The following C12orf56 variants were observed in gnomAD, a reference collection of about 807,000 sequenced individuals.
The protein encoded by C12orf56 is chromosome 12 open reading frame 56.
A neutral mutation model predicts 69.9 loss-of-function variants in C12orf56; 71 were observed. That is an observed-to-expected ratio of 1.02 (90% CI 0.84 to 1.24). C12orf56 has a LOEUF of 1.24. Among genes scored for constraint, C12orf56 ranks in the 50% most tolerant of loss-of-function variants. C12orf56 has a pLI of 0.00. For synonymous variants in C12orf56, 276 were observed against 274.1 expected, an observed-to-expected ratio of 1.01 and a Z score of -0.07; for missense variants, 732 against 738.5, an observed-to-expected ratio of 0.99 and a Z score of 0.10.
chr12:64,382,703 T>C (rs2039735520), intron 1 of C12orf56, among the ~76,000 whole-genome samples: 1 of 151,670 alleles, frequency 6.6e-6, no homozygotes, highest in Non-Finnish European at 1.5e-5. Context: ...TGAAACCCCA[T>C]CTCTACTAAA....
chr12:64,362,414 G>A (rs7295761), intron 1 of C12orf56, among the ~76,000 whole-genome samples: 55,326 of 151,928 alleles, frequency 0.36, 11,202 homozygotes, highest in Non-Finnish European at 0.47. Context: ...AAACGAGGCC[G>A]GGCGTGGTGG....
intron 6 of C12orf56, among the ~76,000 whole-genome samples, chr12:64,302,144 G>C (rs2038454233): frequency 6.6e-6 from 1 of 152,054 alleles, no homozygotes; most frequent in Non-Finnish European, 1.5e-5. Flanking sequence ...TAATCAACTT[G>C]GTTGGTCATA....
chr12:64,350,646 G>A (rs1471387558), intron 2 of C12orf56, among the ~76,000 whole-genome samples: 1 of 152,194 alleles, frequency 6.6e-6, no homozygotes, highest in African/African-American at 2.4e-5. Context: ...GGAATCCCAT[G>A]CTCTTGGGAC....
Position 64,283,744 on chromosome 12 carries a change from A to AT in C12orf56, c.1310+919dup, listed in dbSNP as rs139549234. On this transcript the variant is annotated intron_variant, in intron 8 of 12. Transcript: ENST00000543942. ...TCATCAAGGTCAGCCAGCTTACACT[A>AT]TAAGGACAAAGACAACATGATAGCA... 6.4e-3 allele frequency among the ~76,000 whole-genome samples: 965 copies of AT among 151,662 alleles called. 10 individuals carry two copies. Among genetic ancestry groups the AT allele is most frequent in the African/African-American group, 0.022 (917 of 41,318 alleles).
At chr12:64,333,349 T>C (rs2038954741) in intron 2 of C12orf56, among the ~76,000 whole-genome samples, 1 of 152,178 alleles carries the variant, frequency 6.6e-6, no homozygotes, top group Non-Finnish European at 1.5e-5. Flanking sequence ...CAGTCTTAAG[T>C]TGTCTGTTAA....
chr12:64,345,535 AACAGTAG>A (rs1201138696), intron 2 of C12orf56, among the ~76,000 whole-genome samples: 1 of 152,094 alleles, frequency 6.6e-6, no homozygotes. Flanking sequence ...CCCTAACTTT[AACAGTAG>A]ACACCTGGTG....
chr12:64,293,124 T>A (rs868104640), intron 6 of C12orf56, among the ~76,000 whole-genome samples: 1 of 152,124 alleles, frequency 6.6e-6, no homozygotes, highest in African/African-American at 2.4e-5. Flanking sequence ...TCCAGGTGCG[T>A]CCGTCACCCC....
At chr12:64,374,008 T>C (rs528176754) in intron 1 of C12orf56, among the ~76,000 whole-genome samples, 1 of 152,316 alleles carries the variant, frequency 6.6e-6, no homozygotes, top group South Asian at 2.1e-4. Context: ...ATTAAAAACC[T>C]CATTGCCATC....
At position 64,303,699 on chromosome 12, in the gene C12orf56, G is replaced by A. The variant is rs765932689; in HGVS notation, c.1049C>T (p.Ser350Phe). 4 of 1,578,574 alleles carry A rather than the reference G, an allele frequency of 2.5e-6. No individual in the cohort carries two copies. Among genetic ancestry groups the A allele is most frequent in the East Asian group, 4.6e-5 (2 of 43,882 alleles). ...TGCTACTTTAAGTTCCATAAGTAAA[G>A]AAAGTATCCTCCTCAAAGAATTGTC... Reference protein sequence around the residue: ...LKDNSLRRILSLLMELKVAAQ... With the variant: ...LKDNSLRRILFLLMELKVAAQ... Residue 350 changes from serine (S) to phenylalanine (F), a missense_variant, in exon 6 of 13, where the codon TCT (serine) becomes TTT (phenylalanine). Ser to Phe is a radical substitution (Grantham distance 155). Transcript: ENST00000543942.
chr12:64,266,982 C>CTT lies in C12orf56; in HGVS notation c.*199_*200dup. 1 of 506,676 alleles carries CTT rather than the reference C, an allele frequency of 2.0e-6. No individual in the cohort carries two copies. The highest frequency in any genetic ancestry group is 3.4e-6 in the Non-Finnish European group (1 of 293,994). The allele number at this position is 506,676 out of a possible 1,614,324, so 31.4% of individuals were successfully genotyped here. On this transcript the variant is annotated 3_prime_UTR_variant, in exon 13 of 13. Coordinates refer to ENST00000543942, the MANE Select transcript of C12orf56 (RefSeq NM_001170633.2). ...CCAATGGCATAAAGATCTTTGCACA[C>CTT]TTATAATAAATCAAATTTATTTTTT...
At chr12:64,328,773 CT>C (rs200012565) in intron 3 of C12orf56, among the ~76,000 whole-genome samples, 14 of 131,456 alleles carry the variant, frequency 1.1e-4, no homozygotes, top group Admixed American at 1.6e-4. Flanking sequence ...TAAGAAACAA[CT>C]TTTTTTTTTG....
intron 1 of C12orf56, among the ~76,000 whole-genome samples, chr12:64,374,201 T>G (rs12823963): frequency 0.44 from 66,662 of 152,024 alleles, 16,294 homozygotes; most frequent in Non-Finnish European, 0.56. Flanking sequence ...ATCATAATAT[T>G]GAAAATTATT....
chr12:64,311,425 C>T (rs979868180), intron 5 of C12orf56, among the ~76,000 whole-genome samples: 9 of 147,240 alleles, frequency 6.1e-5, no homozygotes, highest in African/African-American at 2.3e-4. Flanking sequence ...AAAAAAAAAA[C>T]AAAAACAGAA....
chr12:64,374,141 T>A (rs1168866960), intron 1 of C12orf56, among the ~76,000 whole-genome samples: 2 of 152,218 alleles, frequency 1.3e-5, no homozygotes, highest in Non-Finnish European at 2.9e-5. Context: ...GAATGATCCA[T>A]CTACAAATTC....
chr12:64,390,367 G>C lies in C12orf56; in HGVS notation c.199C>G (p.Pro67Ala), dbSNP rs770420362. The C allele has an allele frequency of 5.6e-6, 9 of 1,613,020 alleles. No individual in the cohort carries two copies. In the South Asian group the frequency reaches 9.9e-5, roughly 18 times the overall value. ...DRLVYLTENPPKSIRRVVALR... is the reference protein window; with the variant it reads ...DRLVYLTENPAKSIRRVVALR... ...GCCACTACCCGCCGGATGGACTTGG[G>C]CGGGTTCTCGGTTAGGTAGACGAGC... The change falls in exon 1 of 13, where the codon CCC (proline) becomes GCC (alanine). Residue 67 changes from proline (P) to alanine (A), a missense_variant. Pro to Ala is a conservative substitution (Grantham distance 27, BLOSUM62 -1). Coordinates refer to ENST00000543942, the MANE Select transcript of C12orf56 (RefSeq NM_001170633.2).
chr12:64,318,814 A>G lies in C12orf56; in HGVS notation c.655T>C (p.Ser219Pro), dbSNP rs1274012208. 2 of 1,537,218 alleles carry G rather than the reference A, an allele frequency of 1.3e-6. No homozygotes were observed. Among genetic ancestry groups the G allele is most frequent in the Non-Finnish European group, 1.7e-6 (2 of 1,146,902 alleles). Residue 219 changes from serine (S) to proline (P), a missense_variant, in exon 4 of 13, where the codon TCT becomes CCT. Transcript: ENST00000543942. ...PTTGKAVSEP[S>P]CTTNTKEPQG... ...GGTTCTTTTGTGTTTGTTGTGCAAG[A>G]TGGCTCGCTGACAGCCTTGCCAGTT...
chr12:64,382,259 T>C (rs1216165685), intron 1 of C12orf56, among the ~76,000 whole-genome samples: 1 of 48,416 alleles, frequency 2.1e-5, no homozygotes, highest in African/African-American at 6.7e-5. Flanking sequence ...GAGACTCTTG[T>C]CTCAAAAAAA....
At chr12:64,368,754 A>T (rs2039531353) in intron 1 of C12orf56, among the ~76,000 whole-genome samples, 1 of 152,174 alleles carries the variant, frequency 6.6e-6, no homozygotes, top group Admixed American at 6.5e-5. Flanking sequence ...GGTGGGGAAA[A>T]CTATAAACTA....
chr12:64,376,885 G>T (rs1397399218), intron 1 of C12orf56, among the ~76,000 whole-genome samples: 2 of 151,788 alleles, frequency 1.3e-5, no homozygotes, highest in Non-Finnish European at 2.9e-5. Context: ...TGTTGTCCTG[G>T]CTGGAGTGCA....
Sources: allele counts gnomAD v4.1 joint callset (sites outside exome capture counted in the v4.1 genomes callset), GRCh38; gene constraint gnomAD v4.1.1; transcripts MANE v1.5; gene names NCBI Gene and HGNC (gene_info 2026-07-23, HGNC 2026-07-21).